C10orf67: variants seen among roughly 807,000 people sequenced by gnomAD.
C10orf67 encodes chromosome 10 open reading frame 67.
C10orf67 carries 60 observed loss-of-function variants against 35.6 expected under a neutral mutation model. That is an observed-to-expected ratio of 1.68 (90% CI 1.37 to 2.09). The LOEUF (loss-of-function observed/expected upper bound fraction) is 2.09. C10orf67 is among the 30% of genes most tolerant of loss of function. C10orf67 has a pLI of 0.00. For missense variants in C10orf67, 474 were observed against 330.2 expected (o/e 1.44, Z -3.38); for synonymous variants, 167 against 115.8 (o/e 1.44, Z -2.84).
At chr10:23,226,344 G>C (rs1841741027) in intron 13 of C10orf67, among the ~76,000 whole-genome samples, 1 of 152,054 alleles carries the variant, frequency 6.6e-6, no homozygotes, top group Admixed American at 6.6e-5. Context: ...TGACTACTGG[G>C]TACATAACAA....
intron 4 of C10orf67, among the ~76,000 whole-genome samples, chr10:23,311,297 G>C (rs891487678): frequency 6.6e-6 from 1 of 152,136 alleles, no homozygotes; most frequent in Non-Finnish European, 1.5e-5. Flanking sequence ...GTCCTTCATC[G>C]AGAGGTTCTT....
intron 4 of C10orf67, among the ~76,000 whole-genome samples, chr10:23,311,781 A>C (rs1420252314): frequency 1.3e-5 from 2 of 152,282 alleles, no homozygotes; most frequent in Admixed American, 1.3e-4. Flanking sequence ...CCTGCTGTTC[A>C]AGGAAAGTGT....
chr10:23,227,344 T>G (rs970058718), intron 13 of C10orf67, among the ~76,000 whole-genome samples: 3 of 152,204 alleles, frequency 2.0e-5, no homozygotes, highest in Non-Finnish European at 4.4e-5. Context: ...AACCACATGA[T>G]TATCTCAATA....
At chr10:23,268,273 C>T (rs1454664402) in intron 8 of C10orf67, among the ~76,000 whole-genome samples, 2 of 152,126 alleles carry the variant, frequency 1.3e-5, no homozygotes, top group African/African-American at 2.4e-5. Context: ...CCAACCTAGG[C>T]AACAGAGTGA....
intron 1 of C10orf67, among the ~76,000 whole-genome samples, chr10:23,334,045 A>G (rs1318908009): frequency 2.0e-5 from 3 of 152,206 alleles, no homozygotes; most frequent in Admixed American, 1.3e-4. Flanking sequence ...GTGAATCAAT[A>G]TATTTTAATT....
At chr10:23,340,352 A>G (rs1422239626) in intron 1 of C10orf67, among the ~76,000 whole-genome samples, 1 of 26,586 alleles carries the variant, frequency 3.8e-5, no homozygotes, top group Non-Finnish European at 6.5e-5. Flanking sequence ...AAAAATACAA[A>G]AAAAAAAAAA....
rs142626579 is a variant in C10orf67, at chr10:23,227,027, A to G, written c.1435-3209T>C. ...GCCAGAGGTTCAAGGAGGAGCTGGAACCATTCCTTCTGAAACTATTCCAAT... is the reference window on the plus strand; with the variant it reads ...GCCAGAGGTTCAAGGAGGAGCTGGAGCCATTCCTTCTGAAACTATTCCAAT... On this transcript the variant is annotated intron_variant, in intron 13 of 15. Transcript: ENST00000636213. Among the ~76,000 whole-genome samples the G allele has an allele frequency of 3.0e-3, 455 of 152,338 alleles. 12 individuals are homozygous for G. In the East Asian group the frequency reaches 0.05, roughly 17 times the overall value.
chr10:23,272,427 A>T (rs1843053912), intron 8 of C10orf67, among the ~76,000 whole-genome samples: 1 of 152,194 alleles, frequency 6.6e-6, no homozygotes, highest in African/African-American at 2.4e-5. Flanking sequence ...TTGTTTCAGT[A>T]CTATTTGTTG....
intron 5 of C10orf67, among the ~76,000 whole-genome samples, chr10:23,303,053 T>C (rs1844144442): frequency 6.6e-6 from 1 of 152,212 alleles, no homozygotes; most frequent in Non-Finnish European, 1.5e-5. Flanking sequence ...AGGTAAGTTA[T>C]TTTATTTCCA....
intron 1 of C10orf67, among the ~76,000 whole-genome samples, chr10:23,333,899 A>G (rs1396125046): frequency 6.6e-6 from 1 of 152,206 alleles, no homozygotes; most frequent in Non-Finnish European, 1.5e-5. Flanking sequence ...CAGGAGGTTG[A>G]GGCTGCAGTG....
intron 13 of C10orf67, among the ~76,000 whole-genome samples, chr10:23,236,300 G>C (rs1802024042): frequency 6.7e-6 from 1 of 149,312 alleles, no homozygotes; most frequent in South Asian, 2.1e-4. Flanking sequence ...AGGTGTGGTG[G>C]CGGGTGCCTG....
At chr10:23,242,907 GTAAA>G (rs1254350654) in intron 12 of C10orf67, among the ~76,000 whole-genome samples, 8 of 151,986 alleles carry the variant, frequency 5.3e-5, no homozygotes, top group East Asian at 1.9e-4. Flanking sequence ...TTCACTTAAA[GTAAA>G]TAAATAAAGT....
At chr10:23,262,174 C>G (rs1215197540) in intron 10 of C10orf67, among the ~76,000 whole-genome samples, 1 of 152,162 alleles carries the variant, frequency 6.6e-6, no homozygotes, top group Admixed American at 6.5e-5. Flanking sequence ...CGATGGCAGT[C>G]AGGATGAGTG....
intron 8 of C10orf67, among the ~76,000 whole-genome samples, chr10:23,267,487 T>C (rs1448082920): frequency 6.6e-6 from 1 of 152,232 alleles, no homozygotes; most frequent in Non-Finnish European, 1.5e-5. Flanking sequence ...TCTAAAGTCA[T>C]TAGCCTTTAT....
At chr10:23,292,105 A>C (rs1843735761) in intron 5 of C10orf67, among the ~76,000 whole-genome samples, 1 of 145,884 alleles carries the variant, frequency 6.9e-6, no homozygotes, top group African/African-American at 2.6e-5. Flanking sequence ...TGCCATGTCC[A>C]TTATGGGAGA....
intron 4 of C10orf67, chr10:23,318,724 AG>A (rs1293340399): frequency 1.5e-5 from 9 of 595,340 alleles, no homozygotes; most frequent in Non-Finnish European, 2.4e-5. Context: ...TTCAGCTGCA[AG>A]TAACTGAAAA....
At position 23,240,692 on chromosome 10, in the gene C10orf67, T is replaced by C. The variant is rs148143132; in HGVS notation, c.1347-876A>G. Among the ~76,000 whole-genome samples, 39 of 152,304 alleles carry C rather than the reference T, an allele frequency of 2.6e-4. 1 individual carries two copies. The East Asian group carries it at 7.0e-3, about 27-fold the overall frequency. On this transcript the variant is annotated intron_variant, in intron 12 of 15. Coordinates refer to ENST00000636213, the MANE Select transcript of C10orf67 (RefSeq NM_001371909.1). ...TTCAGAGTGTAGGAAGAAACAAAAA[T>C]GACAGCATTTACTCACACAAAAGAC...
intron 10 of C10orf67, among the ~76,000 whole-genome samples, chr10:23,265,448 A>G (rs1041540947): frequency 6.6e-6 from 1 of 152,252 alleles, no homozygotes; most frequent in African/African-American, 2.4e-5. Flanking sequence ...AGAGAGCAAA[A>G]TATGCAGTGG....
intron 7 of C10orf67, among the ~76,000 whole-genome samples, chr10:23,285,705 T>G (rs1227044480): frequency 1.3e-5 from 2 of 152,228 alleles, no homozygotes; most frequent in Non-Finnish European, 2.9e-5. Context: ...TCATAAAATT[T>G]ACAAATGAAA....
Sources: allele counts gnomAD v4.1 joint callset (sites outside exome capture counted in the v4.1 genomes callset), GRCh38; gene constraint gnomAD v4.1.1; transcripts MANE v1.5; gene names NCBI Gene and HGNC (gene_info 2026-07-23, HGNC 2026-07-21).